CACNA2D1: variants seen among roughly 807,000 people sequenced by gnomAD.
The protein encoded by CACNA2D1 is voltage-dependent calcium channel subunit alpha-2/delta-1.
Under a neutral mutation model 171.5 loss-of-function variants are expected in CACNA2D1, and 53 were observed. That is an observed-to-expected ratio of 0.31 (90% CI 0.25 to 0.39). The LOEUF (loss-of-function observed/expected upper bound fraction) is 0.39, where lower values mean the gene tolerates loss of function less well. CACNA2D1 is among the 10% of genes least tolerant of loss of function. The probability of loss-of-function intolerance (pLI) is 1.00; values close to 1 mark genes in which losing one functional copy is unlikely to be tolerated. For synonymous variants in CACNA2D1, 442 were observed against 443.1 expected, an observed-to-expected ratio of 1.00 and a Z score of 0.03; for missense variants, 903 against 1,299.8, an observed-to-expected ratio of 0.69 and a Z score of 4.69.
At chr7:82,179,738 T>TA (rs1322665319) in intron 3 of CACNA2D1, among the ~76,000 whole-genome samples, 19 of 152,250 alleles carry the variant, frequency 1.2e-4, no homozygotes, top group African/African-American at 4.3e-4. Context: ...TTCTCAACTA[T>TA]AAAATGAGAA....
At chr7:82,165,636 T>C (rs1795375061) in intron 4 of CACNA2D1, among the ~76,000 whole-genome samples, 1 of 152,006 alleles carries the variant, frequency 6.6e-6, no homozygotes. Flanking sequence ...TACGCCTGAC[T>C]CCTTTACATT....
At chr7:82,344,694 C>CA (rs1819047330) in intron 2 of CACNA2D1, among the ~76,000 whole-genome samples, 1 of 152,028 alleles carries the variant, frequency 6.6e-6, no homozygotes, top group Non-Finnish European at 1.5e-5. Flanking sequence ...ATTCTGCAGT[C>CA]AAAATAGATT....
intron 24 of CACNA2D1, 33 bp from the exon 25 acceptor site, chr7:81,974,585 T>G: frequency 8.7e-7 from 1 of 1,155,618 alleles, no homozygotes; most frequent in South Asian, 1.3e-5. Context: ...TATTAGATAT[T>G]AAAATCAAAA....
chr7:82,093,176 T>C (rs1334724543), intron 6 of CACNA2D1, among the ~76,000 whole-genome samples: 1 of 152,174 alleles, frequency 6.6e-6, no homozygotes, highest in Non-Finnish European at 1.5e-5. Context: ...CCACTTGATC[T>C]TGGGAAAGTG....
At chr7:82,371,853 C>T (rs1227710799) in intron 1 of CACNA2D1, among the ~76,000 whole-genome samples, 1 of 152,140 alleles carries the variant, frequency 6.6e-6, no homozygotes, top group African/African-American at 2.4e-5. Flanking sequence ...ACGTGAGCCA[C>T]CATGCCCAGC....
chr7:82,279,424 C>T (rs571630606), intron 3 of CACNA2D1, among the ~76,000 whole-genome samples: 13 of 152,196 alleles, frequency 8.5e-5, no homozygotes, highest in South Asian at 2.1e-4. Flanking sequence ...AATTAAGAGG[C>T]CATCTATAGA....
intron 10 of CACNA2D1, chr7:82,050,551 C>T (rs1235366396): frequency 4.3e-6 from 3 of 702,474 alleles, no homozygotes; most frequent in Admixed American, 2.0e-5. Context: ...CACTCATCCT[C>T]CCCTCCAGAG....
At chr7:82,075,300 T>C (rs1256433245) in intron 7 of CACNA2D1, among the ~76,000 whole-genome samples, 20 of 152,048 alleles carry the variant, frequency 1.3e-4, no homozygotes, top group Admixed American at 1.2e-3. Flanking sequence ...GCATTTTTAT[T>C]TAAAGGGGTA....
intron 3 of CACNA2D1, among the ~76,000 whole-genome samples, chr7:82,238,762 C>G (rs1803907786): frequency 6.6e-6 from 1 of 152,050 alleles, no homozygotes; most frequent in Non-Finnish European, 1.5e-5. Context: ...GTCTGTTACA[C>G]AGAAGTCACT....
At chr7:82,218,886 T>A (rs1801459433) in intron 3 of CACNA2D1, among the ~76,000 whole-genome samples, 1 of 152,120 alleles carries the variant, frequency 6.6e-6, no homozygotes, top group Admixed American at 6.5e-5. Context: ...CATTAATTTT[T>A]AAATATTTCT....
intron 7 of CACNA2D1, among the ~76,000 whole-genome samples, chr7:82,082,121 TCC>T (rs1563017457): frequency 6.6e-6 from 1 of 152,124 alleles, no homozygotes; most frequent in East Asian, 1.9e-4. Flanking sequence ...ACTCTGTCAG[TCC>T]CTTGCTCCAC....
At chr7:82,393,067 AAGGAAGGAAGGAAGGAAGGC>A (rs1470976361) in intron 1 of CACNA2D1, among the ~76,000 whole-genome samples, 9 of 122,960 alleles carry the variant, frequency 7.3e-5, no homozygotes, top group Admixed American at 2.4e-4. Context: ...GGAAGGAAGG[AAGGAAGGAAGGAAGGAAGGC>A]AGGCAGGCAG....
intron 3 of CACNA2D1, among the ~76,000 whole-genome samples, chr7:82,282,890 T>C (rs993070988): frequency 2.0e-5 from 3 of 152,184 alleles, no homozygotes; most frequent in Non-Finnish European, 4.4e-5. Context: ...ATTCCTACAA[T>C]ACATTACAAA....
intron 3 of CACNA2D1, among the ~76,000 whole-genome samples, chr7:82,329,057 C>A (rs928033929): frequency 6.6e-6 from 1 of 151,840 alleles, no homozygotes; most frequent in African/African-American, 2.4e-5. Flanking sequence ...CAGAAAGCTA[C>A]ATTTTTCTAA....
At chr7:82,387,732 G>C (rs1380734470) in intron 1 of CACNA2D1, among the ~76,000 whole-genome samples, 1 of 152,122 alleles carries the variant, frequency 6.6e-6, no homozygotes, top group Non-Finnish European at 1.5e-5. Context: ...GGAAATTAAA[G>C]TACATTAGAA....
rs145421326 is a variant in CACNA2D1, at chr7:81,970,047, T to C, written c.2205-63A>G. The stretch of plus-strand genomic sequence containing the variant: ...CTACCTGATAACCTACTTTATCCTA[T>C]GTGGACTTGCTGAGCTTTACAGATA... On this transcript the variant is annotated intron_variant, in intron 27 of 38. Transcript: ENST00000356860. 1,396 of 980,358 alleles carry C rather than the reference T, an allele frequency of 1.4e-3. 15 individuals carry two copies. In the African/African-American group the frequency reaches 0.018, roughly 13 times the overall value. The allele number at this position is 980,358 out of a possible 1,614,324, so 60.7% of individuals were successfully genotyped here.
At chr7:82,166,008 A>G (rs1029341716) in intron 4 of CACNA2D1, among the ~76,000 whole-genome samples, 1 of 152,028 alleles carries the variant, frequency 6.6e-6, no homozygotes. Context: ...TTCGATTCTA[A>G]GTAAAACAAA....
chr7:82,259,993 C>G lies in CACNA2D1; in HGVS notation c.294+75142G>C, dbSNP rs142060440. Among the ~76,000 whole-genome samples the G allele has an allele frequency of 2.4e-4, 37 of 152,192 alleles. 1 individual carries two copies. Among genetic ancestry groups the G allele is most frequent in the African/African-American group, 8.7e-4 (36 of 41,510 alleles). ...ATCCCAACACTTTGGGAGGCTGAGG[C>G]GAGTAAACCACCTGAGGTCAGGAGT... On this transcript the variant is annotated intron_variant, in intron 3 of 38. Transcript: ENST00000356860.
At chr7:82,243,321 G>T (rs1384749195) in intron 3 of CACNA2D1, among the ~76,000 whole-genome samples, 1 of 152,052 alleles carries the variant, frequency 6.6e-6, no homozygotes, top group Non-Finnish European at 1.5e-5. Flanking sequence ...AACAAGAAAA[G>T]AATCCTGGCT....
Sources: allele counts gnomAD v4.1 joint callset (sites outside exome capture counted in the v4.1 genomes callset), GRCh38; gene constraint gnomAD v4.1.1; transcripts MANE v1.5; gene names NCBI Gene and HGNC (gene_info 2026-07-23, HGNC 2026-07-21).